STK40: variants seen among roughly 807,000 people sequenced by gnomAD.
The protein encoded by STK40 is serine/threonine kinase 40.
Under a neutral mutation model 47.9 loss-of-function variants are expected in STK40, and 13 were observed. That is an observed-to-expected ratio of 0.27 (90% CI 0.18 to 0.43). The LOEUF (loss-of-function observed/expected upper bound fraction) is 0.43. STK40 is among the 20% of genes least tolerant of loss of function. STK40 has a pLI of 1.00. For synonymous variants in STK40, 225 were observed against 243.2 expected (o/e 0.93, Z 0.69); for missense variants, 460 against 595.1 (o/e 0.77, Z 2.36).
chr1:36,382,226 C>T (rs115991836), intron 1 of STK40, among the ~76,000 whole-genome samples: 4,159 of 151,968 alleles, frequency 0.027, 211 homozygotes, highest in African/African-American at 0.095. Flanking sequence ...GTCACCTAAA[C>T]TGGAATGCAG....
intron 2 of STK40, among the ~76,000 whole-genome samples, chr1:36,359,908 T>G (rs1646836947): frequency 6.6e-6 from 1 of 152,172 alleles, no homozygotes. Context: ...TGCTGTTTCT[T>G]CTGTCTGCAA....
At chr1:36,349,741 CCCTTACA>C (rs1646733917) in intron 6 of STK40, among the ~76,000 whole-genome samples, 1 of 151,748 alleles carries the variant, frequency 6.6e-6, no homozygotes, top group South Asian at 2.1e-4. Context: ...CCCGAGAGGA[CCCTTACA>C]CCTTACACCA....
At chr1:36,343,096 C>G in intron 10 of STK40, 1 of 619,188 alleles carries the variant, frequency 1.6e-6, no homozygotes, top group Non-Finnish European at 2.9e-6. Context: ...GCTGAGAGGG[C>G]TGGCCTGGGC....
chr1:36,353,631 G>T (rs1376215062), intron 6 of STK40, among the ~76,000 whole-genome samples: 1 of 152,234 alleles, frequency 6.6e-6, no homozygotes, highest in East Asian at 1.9e-4. Context: ...AAGCTGCCTT[G>T]CCTAAGAGAA....
intron 3 of STK40, 140 bp from the exon 4 acceptor site, chr1:36,358,522 G>A (rs1014229566): frequency 1.4e-5 from 18 of 1,301,696 alleles, no homozygotes; most frequent in Non-Finnish European, 1.8e-5. Context: ...AAGTGAAATC[G>A]TTTTTCTTAA....
rs562024324 is a variant in STK40, at chr1:36,361,511, C to T, written c.-8-171G>A. Among the ~76,000 whole-genome samples, 9 of 152,350 alleles carry T rather than the reference C, an allele frequency of 5.9e-5. No individual in the cohort carries two copies. In the East Asian group the frequency reaches 1.7e-3, roughly 29 times the overall value. On this transcript the variant is annotated intron_variant, in intron 1 of 10. Coordinates refer to ENST00000373132, the MANE Select transcript of STK40 (RefSeq NM_001282547.2). ...GGCTCCAAGTGACAAAGAACCACAG[C>T]TCCTTTACTTGGGATTAATTAGATG...
At chr1:36,374,861 A>T (rs143538980) in intron 1 of STK40, among the ~76,000 whole-genome samples, 69 of 152,254 alleles carry the variant, frequency 4.5e-4, no homozygotes, top group African/African-American at 1.5e-3. Flanking sequence ...GCAACAAGGG[A>T]GGTCCTGGCA....
intron 1 of STK40, among the ~76,000 whole-genome samples, chr1:36,375,377 G>C (rs1189963276): frequency 6.6e-6 from 1 of 151,830 alleles, no homozygotes; most frequent in Admixed American, 6.6e-5. Flanking sequence ...CATGGTGGTG[G>C]GTGCCTATAA....
intron 6 of STK40, among the ~76,000 whole-genome samples, chr1:36,350,202 A>G (rs1646738900): frequency 1.3e-5 from 2 of 152,206 alleles, no homozygotes; most frequent in African/African-American, 4.8e-5. Flanking sequence ...GCAGGCGGCT[A>G]GAGCCTGATC....
intron 3 of STK40, 79 bp downstream of exon 3, chr1:36,358,658 G>T: frequency 6.8e-7 from 1 of 1,474,498 alleles, no homozygotes; most frequent in Non-Finnish European, 9.4e-7. Flanking sequence ...TGACGCAGGT[G>T]TGAAGGTGGA....
chr1:36,382,041 G>T (rs1019472512), intron 1 of STK40, among the ~76,000 whole-genome samples: 1 of 152,172 alleles, frequency 6.6e-6, no homozygotes, highest in African/African-American at 2.4e-5. Flanking sequence ...GCTCATGTAT[G>T]TGGAATCAGG....
intron 1 of STK40, among the ~76,000 whole-genome samples, chr1:36,383,031 C>T (rs1647054260): frequency 6.6e-6 from 1 of 152,178 alleles, no homozygotes; most frequent in Non-Finnish European, 1.5e-5. Context: ...TCACCGCAAC[C>T]TCCGCCTCCC....
At chr1:36,381,044 C>T (rs1025445141) in intron 1 of STK40, among the ~76,000 whole-genome samples, 5 of 152,182 alleles carry the variant, frequency 3.3e-5, no homozygotes, top group Admixed American at 6.5e-5. Flanking sequence ...GGCATCACTT[C>T]CAAACACTCC....
intron 7 of STK40, among the ~76,000 whole-genome samples, chr1:36,348,496 G>A (rs1646723392): frequency 6.6e-6 from 1 of 152,190 alleles, no homozygotes; most frequent in Non-Finnish European, 1.5e-5. Flanking sequence ...AACCTCAGAG[G>A]AATTAAACAT....
chr1:36,358,165 T>C (rs1469129690), intron 4 of STK40, 74 bp downstream of exon 4: 9 of 1,483,588 alleles, frequency 6.1e-6, no homozygotes, highest in Non-Finnish European at 8.1e-6. Flanking sequence ...CTCGTATGGC[T>C]GTGGCCCCAG....
intron 1 of STK40, chr1:36,372,523 G>A (rs1461513535): frequency 6.6e-6 from 1 of 152,062 alleles, no homozygotes; most frequent in Non-Finnish European, 1.5e-5. Flanking sequence ...TGGAAGAGGT[G>A]GGATATAAAC....
At chr1:36,361,142 G>T in intron 2 of STK40, 79 bp downstream of exon 2, 2 of 1,552,824 alleles carry the variant, frequency 1.3e-6, no homozygotes, top group Non-Finnish European at 1.8e-6. Context: ...TCTGATGTCT[G>T]TAGGTCAGAT....
intron 1 of STK40, among the ~76,000 whole-genome samples, chr1:36,378,264 A>G (rs900104821): frequency 3.3e-5 from 5 of 152,156 alleles, no homozygotes; most frequent in Admixed American, 1.3e-4. Flanking sequence ...AGGATGGAGG[A>G]AGGGAACATG....
At chr1:36,352,102 G>A (rs1035283922) in intron 6 of STK40, among the ~76,000 whole-genome samples, 1 of 152,180 alleles carries the variant, frequency 6.6e-6, no homozygotes, top group South Asian at 2.1e-4. Flanking sequence ...ACAGCCCAGG[G>A]CTGGTTTGCT....
Sources: allele counts gnomAD v4.1 joint callset (sites outside exome capture counted in the v4.1 genomes callset), GRCh38; gene constraint gnomAD v4.1.1; transcripts MANE v1.5; gene names NCBI Gene and HGNC (gene_info 2026-07-23, HGNC 2026-07-21).